The following ALDH7A1 variants were observed in gnomAD, a reference collection of about 807,000 sequenced individuals.
ALDH7A1 encodes the protein alpha-aminoadipic semialdehyde dehydrogenase.
In ALDH7A1, 63 loss-of-function variants were observed where a neutral mutation model predicts 79.9. The observed-to-expected ratio is 0.79, with a 90% confidence interval of 0.64 to 0.97. The LOEUF (loss-of-function observed/expected upper bound fraction) is 0.97, where lower values mean the gene tolerates loss of function less well. ALDH7A1 is among the 50% of genes least tolerant of loss of function. The pLI is 0.00. For synonymous variants in ALDH7A1, 240 were observed against 231.2 expected (o/e 1.04, Z -0.34); for missense variants, 627 against 665.2 (o/e 0.94, Z 0.63).
intron 5 of ALDH7A1, 85 bp downstream of exon 5, chr5:126,582,764 GCA>G (rs1430674629): frequency 3.9e-5 from 59 of 1,497,522 alleles, no homozygotes; most frequent in Non-Finnish European, 5.4e-5. Flanking sequence ...TTTCTCTTTT[GCA>G]CAGTCAATAG....
chr5:126,589,286 T>A (rs890009814), intron 3 of ALDH7A1, among the ~76,000 whole-genome samples: 2 of 151,928 alleles, frequency 1.3e-5, no homozygotes, highest in African/African-American at 4.8e-5. Context: ...GCCTCCCAAG[T>A]AGCTGGGGTT....
intron 5 of ALDH7A1, among the ~76,000 whole-genome samples, chr5:126,578,734 C>T (rs1581390560): frequency 1.3e-5 from 2 of 151,996 alleles, no homozygotes; most frequent in East Asian, 3.9e-4. Flanking sequence ...CACCCATAAT[C>T]CTACAAGGTG....
In ALDH7A1 at chr5:126,559,438, T is replaced by TG. The variant is rs1037064308; in HGVS notation, c.914-105_914-104insC. On this transcript the variant is annotated intron_variant, in intron 10 of 17. Transcript: ENST00000409134. Reference sequence around the variant, plus strand: ...TGTTTTTTGTTTTTGGTTTTGGTTTTTTTTTTTTTTTTTTGAGACAGAGTT... The same window carrying TG: ...TGTTTTTTGTTTTTGGTTTTGGTTTTGTTTTTTTTTTTTTTGAGACAGAGTT... 3.8e-6 allele frequency: 3 copies of TG among 788,950 alleles called. No individual in the cohort carries two copies. In the African/African-American group the frequency reaches 5.3e-5, roughly 14 times the overall value. The allele number at this position is 788,950 out of a possible 1,614,324, so 48.9% of individuals were successfully genotyped here. A position where few individuals can be genotyped will look rare whatever the true frequency, so the allele number is the denominator to read the frequency against.
chr5:126,547,663 A>G (rs2112748310), intron 16 of ALDH7A1, among the ~76,000 whole-genome samples: 1 of 152,326 alleles, frequency 6.6e-6, no homozygotes, highest in Middle Eastern at 3.4e-3. Context: ...GGGTCAATAC[A>G]TAATGTCTAA....
intron 7 of ALDH7A1, among the ~76,000 whole-genome samples, chr5:126,573,676 G>A (rs552623351): frequency 5.9e-4 from 86 of 146,794 alleles, no homozygotes; most frequent in African/African-American, 2.1e-3. Flanking sequence ...CTAGCCTGGT[G>A]ACAGAGCAAG....
At chr5:126,548,677 T>C (rs1401120709) in intron 16 of ALDH7A1, among the ~76,000 whole-genome samples, 1 of 151,992 alleles carries the variant, frequency 6.6e-6, no homozygotes, top group Non-Finnish European at 1.5e-5. Context: ...TCGGCCCACC[T>C]CTGCCTCCCA....
intron 4 of ALDH7A1, 93 bp from the exon 5 acceptor site, chr5:126,583,067 AAATGT>A (rs1181937881): frequency 6.2e-6 from 9 of 1,457,062 alleles, no homozygotes; most frequent in Non-Finnish European, 8.6e-6. Context: ...CATGTTTTGT[AAATGT>A]AATAAACTGA....
At chr5:126,592,879 TC>T in intron 2 of ALDH7A1, 150 bp from the exon 3 acceptor site, 1 of 826,282 alleles carries the variant, frequency 1.2e-6, no homozygotes, top group South Asian at 1.6e-5. Context: ...AGTCTATACT[TC>T]CAAAAACTAG....
chr5:126,556,067 T>G, intron 11 of ALDH7A1, 52 bp from the exon 12 acceptor site: 2 of 1,250,534 alleles, frequency 1.6e-6, no homozygotes, highest in East Asian at 2.4e-5. Context: ...CACACATTTT[T>G]AAACAATGAA....
chr5:126,578,590 G>T (rs1561664843), intron 5 of ALDH7A1, among the ~76,000 whole-genome samples: 2 of 144,634 alleles, frequency 1.4e-5, no homozygotes, highest in East Asian at 4.1e-4. Flanking sequence ...AGTGACCTGG[G>T]ATTGCACCAC....
In ALDH7A1 at chr5:126,554,272, C is replaced by T. The variant is rs1204255411; in HGVS notation, c.1200+15G>A. Reference sequence around the variant, plus strand: ...GTTAAAAAGCTGTCACAATTGATCTCAGAGCATCCCTTACCTTGCCCCCAT... The same window carrying T: ...GTTAAAAAGCTGTCACAATTGATCTTAGAGCATCCCTTACCTTGCCCCCAT... On this transcript the variant is annotated intron_variant, in intron 13 of 17. Transcript: ENST00000409134. 5 of 1,609,866 alleles carry T rather than the reference C, an allele frequency of 3.1e-6. No individual in the cohort carries two copies. The East Asian group carries it at 1.1e-4, about 36-fold the overall frequency.
chr5:126,564,651 A>C, intron 9 of ALDH7A1: 3 of 936,742 alleles, frequency 3.2e-6, no homozygotes, highest in Non-Finnish European at 4.3e-6. Flanking sequence ...TTACTACCAA[A>C]AGCCACCAAA....
chr5:126,558,620 C>T (rs1483395948), intron 11 of ALDH7A1, among the ~76,000 whole-genome samples: 1 of 152,010 alleles, frequency 6.6e-6, no homozygotes, highest in Non-Finnish European at 1.5e-5. Flanking sequence ...CTTTCCTGGG[C>T]TCAATCAATC....
intron 3 of ALDH7A1, among the ~76,000 whole-genome samples, chr5:126,591,508 TAGTCCCTCAGC>T (rs1310531048): frequency 6.8e-6 from 1 of 147,118 alleles, no homozygotes; most frequent in Non-Finnish European, 1.5e-5. Context: ...TGCAGCTCAG[TAGTCCCTCAGC>T]AGTCCCACAC....
chr5:126,557,728 C>A (rs926055019), intron 11 of ALDH7A1, among the ~76,000 whole-genome samples: 1 of 151,882 alleles, frequency 6.6e-6, no homozygotes, highest in African/African-American at 2.4e-5. Flanking sequence ...GAGCAAAAAC[C>A]CAAAGCCAAT....
At chr5:126,587,793 G>C (rs1257350394) in intron 3 of ALDH7A1, 1 of 152,050 alleles carries the variant, frequency 6.6e-6, no homozygotes, top group Non-Finnish European at 1.5e-5. Flanking sequence ...TGACGAGAAG[G>C]GGGTCAAGCT....
intron 3 of ALDH7A1, chr5:126,586,469 T>C (rs1283657863): frequency 6.6e-6 from 1 of 152,264 alleles, no homozygotes; most frequent in East Asian, 1.9e-4. Context: ...ATATGTTCTA[T>C]GTGCCAGATA....
chr5:126,554,039 C>T lies in ALDH7A1; in HGVS notation c.1200+248G>A, dbSNP rs1011142274. Among the ~76,000 whole-genome samples the T allele has an allele frequency of 2.9e-4, 44 of 150,598 alleles. 1 individual carries two copies. The highest frequency in any genetic ancestry group is 2.1e-4 in the South Asian group (1 of 4,768). On this transcript the variant is annotated intron_variant, in intron 13 of 17. Transcript: ENST00000409134. ...AGGAGAATCACTTGAACCTGGGAGG[C>T]GGAGGTTGCCGTGAGCCAAGATTGC...
chr5:126,592,662 A>C lies in ALDH7A1; in HGVS notation c.312+2T>G. The C allele has an allele frequency of 6.2e-7, 1 of 1,613,812 alleles. No homozygotes were observed. The highest frequency in any genetic ancestry group is 1.3e-5 in the African/African-American group (1 of 75,042). ...AATTCTAGAAACAAAGGCCATACTT[A>C]CATCTGCCCAGATTTTCCATGCTTC... is the stretch of plus-strand genomic sequence containing the variant. On this transcript the variant is annotated splice_donor_variant, in intron 3 of 17. Transcript: ENST00000409134. LOFTEE classifies it high-confidence loss of function.
Sources: gnomAD v4.1 joint callset for allele counts (sites outside exome capture counted in the v4.1 genomes callset) on GRCh38, gnomAD v4.1.1 for gene constraint, MANE v1.5 for transcripts, NCBI Gene and HGNC (gene_info 2026-07-23, HGNC 2026-07-21) for gene names.